Variants in CTNNA3 observed in about 807,000 individuals in gnomAD.
The protein encoded by CTNNA3 is catenin alpha 3.
In CTNNA3, 76 loss-of-function variants were observed where a neutral mutation model predicts 95.7. The observed-to-expected ratio is 0.79, with a 90% CI of 0.66 to 0.96. The LOEUF is 0.96. Ranked by LOEUF, CTNNA3 falls within the 40% of genes least tolerant of loss-of-function variation. CTNNA3 has a pLI of 0.00. For missense variants in CTNNA3, 1,191 were observed against 1,089.8 expected (o/e 1.09, Z -1.31); for synonymous variants, 431 against 374.4 (o/e 1.15, Z -1.74).
intron 12 of CTNNA3, among the ~76,000 whole-genome samples, chr10:66,377,954 A>G (rs1266693387): frequency 1.3e-5 from 2 of 152,144 alleles, no homozygotes; most frequent in Non-Finnish European, 2.9e-5. Context: ...TTTCCTTACC[A>G]CATTGTTAGC....
chr10:66,648,952 G>A (rs1229299782), intron 9 of CTNNA3, among the ~76,000 whole-genome samples: 1 of 152,028 alleles, frequency 6.6e-6, no homozygotes, highest in African/African-American at 2.4e-5. Context: ...GTTCTGGGAG[G>A]GTGTGTAGAA....
intron 10 of CTNNA3, among the ~76,000 whole-genome samples, chr10:66,560,208 C>T (rs1842510268): frequency 6.6e-6 from 1 of 152,072 alleles, no homozygotes; most frequent in African/African-American, 2.4e-5. Flanking sequence ...AAGCAAAACA[C>T]AGCAGGAAGA....
At chr10:67,658,764 C>T (rs1840098086) in intron 1 of CTNNA3, among the ~76,000 whole-genome samples, 1 of 152,206 alleles carries the variant, frequency 6.6e-6, no homozygotes, top group East Asian at 1.9e-4. Flanking sequence ...CTCCAAGAGT[C>T]TGTACTTTTT....
intron 12 of CTNNA3, among the ~76,000 whole-genome samples, chr10:66,311,853 C>T (rs1172721640): frequency 6.6e-6 from 1 of 152,130 alleles, no homozygotes; most frequent in Non-Finnish European, 1.5e-5. Flanking sequence ...TTTAACTTCT[C>T]CTATCTCCTG....
intron 5 of CTNNA3, among the ~76,000 whole-genome samples, chr10:67,479,046 C>G (rs1342734677): frequency 6.6e-6 from 1 of 152,034 alleles, no homozygotes; most frequent in African/African-American, 2.4e-5. Flanking sequence ...TTTGATTCAA[C>G]AAGACTTAAA....
intron 5 of CTNNA3, among the ~76,000 whole-genome samples, chr10:67,411,691 A>C (rs970903516): frequency 6.6e-6 from 1 of 151,986 alleles, no homozygotes; most frequent in Non-Finnish European, 1.5e-5. Context: ...AAAAAATGAT[A>C]CTCTGGCAAA....
At chr10:66,614,484 T>G (rs957421115) in intron 10 of CTNNA3, among the ~76,000 whole-genome samples, 1 of 152,082 alleles carries the variant, frequency 6.6e-6, no homozygotes, top group African/African-American at 2.4e-5. Flanking sequence ...CTCCAGTGCA[T>G]GCCCTAGCCC....
intron 14 of CTNNA3, among the ~76,000 whole-genome samples, chr10:66,099,929 A>G (rs1332342491): frequency 6.6e-6 from 1 of 152,184 alleles, no homozygotes; most frequent in Non-Finnish European, 1.5e-5. Context: ...CTCTTACTAC[A>G]CAAGTTACAT....
At chr10:66,422,877 C>CG (rs2093207646) in intron 11 of CTNNA3, among the ~76,000 whole-genome samples, 1 of 151,696 alleles carries the variant, frequency 6.6e-6, no homozygotes, top group Admixed American at 6.6e-5. Flanking sequence ...TGATCCACCT[C>CG]CCTCGGCCTA....
chr10:67,641,084 G>A (rs1839513273), intron 2 of CTNNA3, among the ~76,000 whole-genome samples: 1 of 151,926 alleles, frequency 6.6e-6, no homozygotes, highest in African/African-American at 2.4e-5. Flanking sequence ...CAGAATGGGA[G>A]AAAATTTTTG....
At chr10:66,632,347 A>G (rs1845168035) in intron 9 of CTNNA3, among the ~76,000 whole-genome samples, 1 of 151,948 alleles carries the variant, frequency 6.6e-6, no homozygotes, top group African/African-American at 2.4e-5. Context: ...TGAGGTCAAG[A>G]GTTTGAGACC....
At chr10:67,217,449 A>G (rs1260982704) in intron 6 of CTNNA3, among the ~76,000 whole-genome samples, 1 of 152,218 alleles carries the variant, frequency 6.6e-6, no homozygotes, top group Non-Finnish European at 1.5e-5. Flanking sequence ...TTGTTCAGAC[A>G]GTTTAGAATC....
Position 67,180,439 on chromosome 10 carries a change from T to C in CTNNA3, c.925A>G (p.Ser309Gly). The C allele has an allele frequency of 6.2e-7, 1 of 1,613,916 alleles. No homozygotes were observed. Among genetic ancestry groups the C allele is most frequent in the Non-Finnish European group, 8.5e-7 (1 of 1,179,870 alleles). Residue 309 changes from serine to glycine, a missense_variant, in exon 7 of 18, where the codon AGT (serine) becomes GGT (glycine). Transcript: ENST00000433211. ...GAATCCGCCAGCAGAGCAGCCCCACTGATAATGGCTTCAAGGCGTTTCTCT... is the reference window on the plus strand; with the variant it reads ...GAATCCGCCAGCAGAGCAGCCCCACCGATAATGGCTTCAAGGCGTTTCTCT... ...SLEKRLEAII[S>G]GAALLADSSC... is the part of the protein sequence containing the mutation.
intron 9 of CTNNA3, among the ~76,000 whole-genome samples, chr10:66,671,002 G>A (rs1310235028): frequency 2.0e-5 from 3 of 152,190 alleles, no homozygotes; most frequent in Admixed American, 1.3e-4. Context: ...TGTTTGAGTT[G>A]TTTTGTGTTT....
chr10:66,693,225 GCAGAGACA>G (rs1312244080), intron 9 of CTNNA3, among the ~76,000 whole-genome samples: 1 of 151,956 alleles, frequency 6.6e-6, no homozygotes, highest in African/African-American at 2.4e-5. Context: ...CATCTCACAC[GCAGAGACA>G]CACATAGGCT....
chr10:67,451,410 GAA>G (rs1846977852), intron 5 of CTNNA3, among the ~76,000 whole-genome samples: 2 of 151,896 alleles, frequency 1.3e-5, no homozygotes, highest in African/African-American at 4.8e-5. Flanking sequence ...GCAATTATGA[GAA>G]AAAGTTTTTG....
intron 17 of CTNNA3, among the ~76,000 whole-genome samples, chr10:65,965,094 C>T (rs552145287): frequency 6.6e-6 from 1 of 152,152 alleles, no homozygotes; most frequent in Non-Finnish European, 1.5e-5. Context: ...ACTATTTTTC[C>T]CCCTCTAACA....
intron 7 of CTNNA3, among the ~76,000 whole-genome samples, chr10:67,134,400 C>CA (rs1564914496): frequency 6.6e-6 from 1 of 151,604 alleles, no homozygotes; most frequent in Non-Finnish European, 1.5e-5. Flanking sequence ...GTGAAGAACA[C>CA]AAAAAAAGGA....
At chr10:66,621,008 G>C (rs1246395206) in intron 10 of CTNNA3, among the ~76,000 whole-genome samples, 1 of 151,976 alleles carries the variant, frequency 6.6e-6, no homozygotes, top group East Asian at 1.9e-4. Flanking sequence ...TTGATTCATG[G>C]CTTCAAAACC....
Sources: gnomAD v4.1 joint callset for allele counts (sites outside exome capture counted in the v4.1 genomes callset) on GRCh38, gnomAD v4.1.1 for gene constraint, MANE v1.5 for transcripts, NCBI Gene and HGNC (gene_info 2026-07-23, HGNC 2026-07-21) for gene names.